Variants in ASIC2 observed in about 807,000 individuals in gnomAD.
ASIC2 encodes the protein acid sensing ion channel subunit 2.
ASIC2 carries 25 observed loss-of-function variants against 57.3 expected under a neutral mutation model. The observed-to-expected ratio is 0.44, with a 90% confidence interval of 0.32 to 0.61. The LOEUF is 0.61. Among genes scored for constraint, ASIC2 ranks in the 20% least tolerant of loss-of-function variants. The pLI, the probability that ASIC2 is intolerant of heterozygous loss-of-function variation, is 0.06. For missense variants in ASIC2, 641 were observed against 738.1 expected (o/e 0.87, Z 1.52); for synonymous variants, 319 against 307.5 (o/e 1.04, Z -0.39).
At chr17:33,839,871 T>C (rs1238473469) in intron 1 of ASIC2, among the ~76,000 whole-genome samples, 1 of 152,172 alleles carries the variant, frequency 6.6e-6, no homozygotes, top group African/African-American at 2.4e-5. Context: ...CCTTGTTGCT[T>C]TGTCTCAGGG....
At chr17:34,007,340 A>G (rs1057409018) in intron 1 of ASIC2, among the ~76,000 whole-genome samples, 2 of 152,234 alleles carry the variant, frequency 1.3e-5, no homozygotes, top group East Asian at 1.9e-4. Context: ...CACTGTTGCT[A>G]AACTACTCAC....
At chr17:34,096,123 C>T (rs1047707913) in intron 1 of ASIC2, among the ~76,000 whole-genome samples, 2 of 152,134 alleles carry the variant, frequency 1.3e-5, no homozygotes, top group African/African-American at 4.8e-5. Flanking sequence ...GATTGTGCCT[C>T]GGGCATAGTA....
chr17:34,066,109 G>A (rs532840918), intron 1 of ASIC2, among the ~76,000 whole-genome samples: 3 of 152,214 alleles, frequency 2.0e-5, no homozygotes, highest in Admixed American at 6.5e-5. Flanking sequence ...CTTAACTACC[G>A]GACATGGTGC....
At chr17:33,938,562 C>T (rs1481204015) in intron 1 of ASIC2, among the ~76,000 whole-genome samples, 1 of 152,234 alleles carries the variant, frequency 6.6e-6, no homozygotes, top group Non-Finnish European at 1.5e-5. Flanking sequence ...GTCATCCTCA[C>T]AACTTCCTCC....
At chr17:33,691,004 C>T (rs966287868) in intron 1 of ASIC2, among the ~76,000 whole-genome samples, 2 of 152,098 alleles carry the variant, frequency 1.3e-5, no homozygotes, top group African/African-American at 4.8e-5. Flanking sequence ...CCATCTCGGC[C>T]TCCCAAAGTG....
intron 1 of ASIC2, among the ~76,000 whole-genome samples, chr17:34,133,949 C>A (rs144387717): frequency 6.6e-6 from 1 of 152,194 alleles, no homozygotes; most frequent in East Asian, 1.9e-4. Context: ...TTGTCCAGCC[C>A]CCATCACAAA....
In ASIC2 at chr17:33,987,207, T is replaced by C. The variant is rs185872458; in HGVS notation, c.555+168771A>G. ...ATCAGGGGAAAAAAGTCAGGCAAGG[T>C]GCAGTTTTGAACCAACTCGGCTGCT... On this transcript the variant is annotated intron_variant, in intron 1 of 9. Transcript: ENST00000359872. Among the ~76,000 whole-genome samples, 9 of 152,198 alleles carry C rather than the reference T, an allele frequency of 5.9e-5. No individual in the cohort carries two copies. In the East Asian group the frequency reaches 1.7e-3, roughly 29 times the overall value.
At chr17:33,223,713 T>G (rs1907771732) in intron 1 of ASIC2, among the ~76,000 whole-genome samples, 1 of 152,234 alleles carries the variant, frequency 6.6e-6, no homozygotes, top group Non-Finnish European at 1.5e-5. Flanking sequence ...AATGGAAGTG[T>G]TAAGGTCACC....
At chr17:33,147,275 T>C (rs1358154963) in intron 1 of ASIC2, among the ~76,000 whole-genome samples, 1 of 152,200 alleles carries the variant, frequency 6.6e-6, no homozygotes, top group Non-Finnish European at 1.5e-5. Context: ...GAGAAACCAG[T>C]TGAAGCAAAC....
At chr17:33,374,936 G>A (rs1447201946) in intron 1 of ASIC2, among the ~76,000 whole-genome samples, 3 of 152,198 alleles carry the variant, frequency 2.0e-5, no homozygotes, top group Non-Finnish European at 2.9e-5. Flanking sequence ...CTATTTTACC[G>A]ACAAGGAAAC....
intron 1 of ASIC2, among the ~76,000 whole-genome samples, chr17:33,178,001 C>A (rs1905828788): frequency 6.6e-6 from 1 of 152,186 alleles, no homozygotes; most frequent in Non-Finnish European, 1.5e-5. Context: ...TACATACACA[C>A]AAACACACAT....
chr17:34,008,809 G>A (rs1906614989), intron 1 of ASIC2, among the ~76,000 whole-genome samples: 1 of 152,116 alleles, frequency 6.6e-6, no homozygotes. Context: ...AGCTCCCCTA[G>A]CCATCCCAAG....
chr17:33,729,748 C>A (rs1265985174), intron 1 of ASIC2, among the ~76,000 whole-genome samples: 1 of 152,090 alleles, frequency 6.6e-6, no homozygotes, highest in Non-Finnish European at 1.5e-5. Context: ...CTGTGTAAAG[C>A]GCCTGGGATA....
At chr17:33,530,060 G>A (rs915631524) in intron 1 of ASIC2, 1 of 152,200 alleles carries the variant, frequency 6.6e-6, no homozygotes, top group African/African-American at 2.4e-5. Flanking sequence ...AAATGCGAAG[G>A]CCATAAAGCG....
chr17:34,078,315 C>T (rs1909747200), intron 1 of ASIC2, among the ~76,000 whole-genome samples: 1 of 152,110 alleles, frequency 6.6e-6, no homozygotes, highest in Non-Finnish European at 1.5e-5. Context: ...TCACAGATGC[C>T]CCATAATGCC....
intron 1 of ASIC2, among the ~76,000 whole-genome samples, chr17:33,434,730 A>T (rs1911546512): frequency 6.6e-6 from 1 of 152,218 alleles, no homozygotes; most frequent in African/African-American, 2.4e-5. Context: ...CCAAAGAGCC[A>T]TTGATAGTAA....
intron 1 of ASIC2, among the ~76,000 whole-genome samples, chr17:33,636,016 T>G (rs1906351112): frequency 6.6e-6 from 1 of 152,218 alleles, no homozygotes; most frequent in Admixed American, 6.5e-5. Flanking sequence ...TTATATTAAT[T>G]GACATGGACT....
At chr17:33,178,895 T>C (rs1479299088) in intron 1 of ASIC2, among the ~76,000 whole-genome samples, 2 of 152,170 alleles carry the variant, frequency 1.3e-5, no homozygotes, top group Non-Finnish European at 2.9e-5. Flanking sequence ...ATCACCAGGG[T>C]TGGCACAGCC....
chr17:34,058,455 G>T (rs1908851656), intron 1 of ASIC2, among the ~76,000 whole-genome samples: 1 of 152,094 alleles, frequency 6.6e-6, no homozygotes, highest in Non-Finnish European at 1.5e-5. Context: ...TCATTCCCAG[G>T]ATTACCCACT....
Sources: gnomAD v4.1 joint callset for allele counts (sites outside exome capture counted in the v4.1 genomes callset) on GRCh38, gnomAD v4.1.1 for gene constraint, MANE v1.5 for transcripts, NCBI Gene and HGNC (gene_info 2026-07-23, HGNC 2026-07-21) for gene names.